The following TAB2 variants were observed in gnomAD, a reference collection of about 807,000 sequenced individuals.
TAB2 encodes the protein TGF-beta activated kinase 1 (MAP3K7) binding protein 2, also known as TGF-beta-activated kinase 1 and MAP3K7-binding protein 2.
TAB2 carries 3 observed loss-of-function variants against 65.0 expected under a neutral mutation model. The ratio of observed to expected loss-of-function variants is 0.05; its 90% CI spans 0.02 to 0.12. The LOEUF is 0.12. Ranked by LOEUF, TAB2 falls within the 10% of genes least tolerant of loss-of-function variation. The pLI is 1.00. For missense variants in TAB2, 623 were observed against 840.3 expected (o/e 0.74, Z 3.20); for synonymous variants, 298 against 285.1 (o/e 1.05, Z -0.46).
chr6:149,302,619 C>T (rs1461891442), intron 1 of TAB2, among the ~76,000 whole-genome samples: 3 of 152,168 alleles, frequency 2.0e-5, no homozygotes, highest in Non-Finnish European at 2.9e-5. Flanking sequence ...TGGAGGAGTC[C>T]ACGTCTCCCA....
chr6:149,228,181 A>G (rs1777324217), intron 1 of TAB2, among the ~76,000 whole-genome samples: 1 of 152,212 alleles, frequency 6.6e-6, no homozygotes, highest in Non-Finnish European at 1.5e-5. Flanking sequence ...AAATTTAAAA[A>G]AAATCTGAAA....
upstream of TAB2, among the ~76,000 whole-genome samples, chr6:149,316,745 C>T (rs1331347490): frequency 6.6e-6 from 1 of 152,058 alleles, no homozygotes; most frequent in Non-Finnish European, 1.5e-5. Flanking sequence ...CTTCTAGGAA[C>T]GTGCAATTAA....
intron 1 of TAB2, among the ~76,000 whole-genome samples, chr6:149,365,651 A>G (rs1028559984): frequency 6.6e-6 from 1 of 151,818 alleles, no homozygotes; most frequent in East Asian, 1.9e-4. Context: ...CTGTAAATTT[A>G]TATATTTTAC....
intron 1 of TAB2, among the ~76,000 whole-genome samples, chr6:149,324,553 G>A (rs1779543090): frequency 6.6e-6 from 1 of 152,126 alleles, no homozygotes; most frequent in South Asian, 2.1e-4. Context: ...GTTTGCCAGT[G>A]AAGCAGGCCA....
intron 1 of TAB2, among the ~76,000 whole-genome samples, chr6:149,264,854 G>T (rs1348081041): frequency 6.6e-5 from 10 of 152,258 alleles, no homozygotes; most frequent in Non-Finnish European, 1.2e-4. Context: ...GGCAGCACTG[G>T]CTTCAGAGAA....
At chr6:149,356,742 A>T (rs1205149946) in intron 1 of TAB2, among the ~76,000 whole-genome samples, 4 of 152,208 alleles carry the variant, frequency 2.6e-5, no homozygotes, top group African/African-American at 9.7e-5. Context: ...GTGAGGATGG[A>T]TCTAAAGCAT....
chr6:149,311,248 A>T (rs1324296502), intron 1 of TAB2, among the ~76,000 whole-genome samples: 1 of 151,688 alleles, frequency 6.6e-6, no homozygotes, highest in Non-Finnish European at 1.5e-5. Context: ...ATCTTTTCTG[A>T]CTCTCTGGTC....
chr6:149,388,842 T>C (rs1781885919), intron 3 of TAB2, among the ~76,000 whole-genome samples: 2 of 152,188 alleles, frequency 1.3e-5, no homozygotes, highest in South Asian at 4.1e-4. Context: ...ATAAATTTTT[T>C]ACTTTTACAT....
chr6:149,266,228 G>A (rs6908247), intron 1 of TAB2, among the ~76,000 whole-genome samples: 72,104 of 151,988 alleles, frequency 0.47, 17,611 homozygotes, highest in East Asian at 0.7. Context: ...GTGAAATCTC[G>A]CAAAAAGGAG....
chr6:149,401,885 G>A (rs1173143141), intron 6 of TAB2, among the ~76,000 whole-genome samples: 1 of 151,330 alleles, frequency 6.6e-6, no homozygotes. Flanking sequence ...GAAATCAAAA[G>A]GGAATCTTAA....
chr6:149,352,108 T>G (rs996702034), intron 1 of TAB2, among the ~76,000 whole-genome samples: 4 of 152,192 alleles, frequency 2.6e-5, no homozygotes, highest in African/African-American at 9.6e-5. Flanking sequence ...AATTGAGTAG[T>G]TTATGTGAGA....
intron 1 of TAB2, among the ~76,000 whole-genome samples, chr6:149,242,913 C>T (rs952954534): frequency 8.5e-5 from 13 of 152,226 alleles, no homozygotes; most frequent in African/African-American, 1.4e-4. Flanking sequence ...CCAGAAGGTG[C>T]TTCTCCCATG....
intron 1 of TAB2, among the ~76,000 whole-genome samples, chr6:149,350,020 C>T (rs955276818): frequency 1.3e-5 from 2 of 152,086 alleles, no homozygotes. Context: ...CAACCTCTGC[C>T]TCCTGGGTTC....
upstream of TAB2, among the ~76,000 whole-genome samples, chr6:149,316,108 C>G (rs1441035973): frequency 1.3e-5 from 2 of 152,240 alleles, no homozygotes; most frequent in Non-Finnish European, 2.9e-5. Flanking sequence ...CCTCAGAGAA[C>G]TGCTGTAAAG....
chr6:149,409,541 T>G (rs1782775188), intron 6 of TAB2, 36 bp from the exon 7 acceptor site: 1 of 1,597,720 alleles, frequency 6.3e-7, no homozygotes, highest in South Asian at 1.1e-5. Context: ...ACTTTGTGAT[T>G]TTTTACTTAT....
Position 149,380,247 on chromosome 6 carries a change from G to A in TAB2, c.1603+729G>A, listed in dbSNP as rs947153013. ...CAGAGTGAGACCCTTCTCTGGGGTG[G>A]GGGGAAATTCTTCATTTTTCTAATA... On this transcript the variant is annotated intron_variant, in intron 3 of 6. Coordinates refer to ENST00000637181, the MANE Select transcript of TAB2 (RefSeq NM_001292034.3). 1.9e-5 allele frequency: 3 copies of A among 156,474 alleles called. 1 individual carries two copies. Among genetic ancestry groups the A allele is most frequent in the African/African-American group, 7.2e-5 (3 of 41,444 alleles). The allele number at this position is 156,474 out of a possible 1,614,324, so 9.7% of individuals were successfully genotyped here. A position where few individuals can be genotyped will look rare whatever the true frequency, so the allele number is the denominator to read the frequency against.
chr6:149,294,258 G>T (rs191005966), intron 1 of TAB2, among the ~76,000 whole-genome samples: 1 of 152,184 alleles, frequency 6.6e-6, no homozygotes, highest in South Asian at 2.1e-4. Context: ...TTTGAGGAAA[G>T]GATGTGTTCC....
intron 1 of TAB2, among the ~76,000 whole-genome samples, chr6:149,357,430 AACACACACACACACACAC>A (rs1554261742): frequency 4.5e-5 from 5 of 111,186 alleles, no homozygotes; most frequent in Middle Eastern, 5.0e-3. Flanking sequence ...AGAAAAAAAA[AACACACACACACACACAC>A]ACACACACAC....
intron 1 of TAB2, among the ~76,000 whole-genome samples, chr6:149,260,375 G>A (rs1280864206): frequency 6.6e-6 from 1 of 152,202 alleles, no homozygotes; most frequent in African/African-American, 2.4e-5. Flanking sequence ...GTTCGGCTTT[G>A]GAGTGGGGAG....
Sources: allele counts gnomAD v4.1 joint callset (sites outside exome capture counted in the v4.1 genomes callset), GRCh38; gene constraint gnomAD v4.1.1; transcripts MANE v1.5; gene names NCBI Gene and HGNC (gene_info 2026-07-23, HGNC 2026-07-21).